VCF1: variants seen among roughly 807,000 people sequenced by gnomAD.
VCF1 encodes protein VCF1.
At chr17:73,209,326 T>C in the VCF1 span, 9 of 645,776 alleles carry the variant, frequency 1.4e-5, no homozygotes, top group Admixed American at 6.0e-5. Flanking sequence ...CTATAAAAAA[T>C]TGCTTCAAAG....
chr17:73,230,524 T>C, the VCF1 span, among the ~76,000 whole-genome samples: 4 of 152,082 alleles, frequency 2.6e-5, no homozygotes, highest in African/African-American at 4.8e-5. Context: ...GCCTCCCAAG[T>C]AGCTGGGATG....
At chr17:73,211,329 A>T in the VCF1 span, among the ~76,000 whole-genome samples, 1 of 151,204 alleles carries the variant, frequency 6.6e-6, no homozygotes, top group East Asian at 1.9e-4. Flanking sequence ...AATACAAAAA[A>T]ATTGGCCGGG....
At chr17:73,209,143 A>T in the VCF1 span, 32 of 220,514 alleles carry the variant, frequency 1.5e-4, no homozygotes, top group South Asian at 3.0e-4. Flanking sequence ...TTTATTGAAT[A>T]AAAAAAATTG....
At chr17:73,210,483 C>T in the VCF1 span, among the ~76,000 whole-genome samples, 1 of 145,492 alleles carries the variant, frequency 6.9e-6, no homozygotes, top group African/African-American at 2.5e-5. Context: ...TTTCATTCTG[C>T]AGTTCATGTT....
the VCF1 span, among the ~76,000 whole-genome samples, chr17:73,212,176 CAAA>C: frequency 6.6e-6 from 1 of 152,124 alleles, no homozygotes; most frequent in Admixed American, 6.6e-5. Flanking sequence ...ATAAATTAAA[CAAA>C]ATGCTGTTTA....
At chr17:73,225,878 ATATAATATATATATATATATATTT>A in the VCF1 span, among the ~76,000 whole-genome samples, 1 of 95,628 alleles carries the variant, frequency 1.0e-5, no homozygotes, top group Non-Finnish European at 2.1e-5. Flanking sequence ...ATATATATAT[ATATAATATATATATATATATATTT>A]TTTTTTTTTT....
chr17:73,219,696 G>T, the VCF1 span, among the ~76,000 whole-genome samples: 1 of 151,838 alleles, frequency 6.6e-6, no homozygotes, highest in Non-Finnish European at 1.5e-5. Flanking sequence ...TCTCAGGCCA[G>T]GCATGGTGGC....
the VCF1 span, chr17:73,208,215 G>A: frequency 6.3e-7 from 1 of 1,599,754 alleles, no homozygotes. Flanking sequence ...AGCTCCGCTT[G>A]TGTGTGCCGT....
the VCF1 span, among the ~76,000 whole-genome samples, chr17:73,210,362 A>G: frequency 2.0e-5 from 3 of 152,144 alleles, no homozygotes; most frequent in East Asian, 5.8e-4. Flanking sequence ...TGCAGTTCAT[A>G]TGTACATGTG....
the VCF1 span, chr17:73,232,021 G>GC: frequency 6.8e-7 from 1 of 1,470,900 alleles, no homozygotes; most frequent in Non-Finnish European, 9.1e-7. Context: ...CATTTCGCGC[G>GC]CCCCCTCGGC....
the VCF1 span, chr17:73,207,379 T>G: frequency 6.4e-6 from 6 of 936,132 alleles, no homozygotes; most frequent in Middle Eastern, 4.2e-4. Flanking sequence ...CTAATGCTGC[T>G]TTTAATGGCG....
the VCF1 span, chr17:73,209,745 C>G: frequency 1.4e-5 from 21 of 1,542,684 alleles, no homozygotes; most frequent in Non-Finnish European, 1.7e-5. Context: ...TGCTGCTGCT[C>G]CCACCACTGT....
chr17:73,217,391 G>T, the VCF1 span, among the ~76,000 whole-genome samples: 1 of 149,864 alleles, frequency 6.7e-6, no homozygotes, highest in African/African-American at 2.5e-5. Context: ...GGTGGTTCAT[G>T]CCTGTAATCC....
the VCF1 span, among the ~76,000 whole-genome samples, chr17:73,219,493 C>A: frequency 6.6e-6 from 1 of 150,434 alleles, no homozygotes; most frequent in South Asian, 2.1e-4. Flanking sequence ...ACTAAAAATA[C>A]AAAAAAATTA....
chr17:73,208,394 C>G, the VCF1 span: 5 of 1,614,236 alleles, frequency 3.1e-6, no homozygotes, highest in Non-Finnish European at 4.2e-6. Flanking sequence ...GTGAAGAAGA[C>G]AACACGTCTG....
At chr17:73,231,985 G>A in the VCF1 span, 15 of 1,297,396 alleles carry the variant, frequency 1.2e-5, no homozygotes, top group South Asian at 2.0e-4. Flanking sequence ...AGGGAGCCCC[G>A]CCGGGTCCAC....
chr17:73,207,504 G>T, the VCF1 span: 1 of 612,916 alleles, frequency 1.6e-6, no homozygotes, highest in South Asian at 1.8e-5. Flanking sequence ...TACAGGACAG[G>T]GTGGAGATGA....
chr17:73,218,170 A>T, the VCF1 span, among the ~76,000 whole-genome samples: 23 of 152,308 alleles, frequency 1.5e-4, no homozygotes, highest in Non-Finnish European at 2.9e-4. Flanking sequence ...ATCTGGATTA[A>T]ATGCAAGAGA....
chr17:73,231,988 G>C, the VCF1 span: 1 of 1,314,900 alleles, frequency 7.6e-7, no homozygotes, highest in Non-Finnish European at 1.0e-6. Context: ...GAGCCCCGCC[G>C]GGTCCACTCT....
Sources: allele counts gnomAD v4.1 joint callset (sites outside exome capture counted in the v4.1 genomes callset), GRCh38; gene constraint gnomAD v4.1.1; transcripts MANE v1.5; gene names NCBI Gene and HGNC (gene_info 2026-07-23, HGNC 2026-07-21).